Variants in TBCD observed in about 807,000 individuals in gnomAD.
TBCD encodes the protein tubulin folding cofactor D.
A neutral mutation model predicts 169.3 loss-of-function variants in TBCD; 105 were observed. The ratio of observed to expected loss-of-function variants is 0.62; its 90% confidence interval spans 0.53 to 0.73. TBCD has a LOEUF of 0.73. Among genes scored for constraint, TBCD ranks in the 30% least tolerant of loss-of-function variants. The probability of loss-of-function intolerance (pLI) is 0.00; values close to 1 mark genes in which losing one functional copy is unlikely to be tolerated. For missense variants in TBCD, 1,444 were observed against 1,600.1 expected (o/e 0.90, Z 1.66); for synonymous variants, 700 against 643.9 (o/e 1.09, Z -1.32).
intron 6 of TBCD, among the ~76,000 whole-genome samples, chr17:82,777,059 CT>C (rs554084543): frequency 2.0e-5 from 3 of 151,166 alleles, no homozygotes; most frequent in African/African-American, 4.9e-5. Flanking sequence ...TGGCCTTTTC[CT>C]TTTTTTTTGG....
chr17:82,756,111 C>T (rs548539247), intron 1 of TBCD, 54 bp from the exon 2 acceptor site: 7 of 1,502,056 alleles, frequency 4.7e-6, no homozygotes, highest in East Asian at 4.8e-5. Context: ...TTCTGAGGCT[C>T]ATGGGTATGT....
intron 23 of TBCD, among the ~76,000 whole-genome samples, chr17:82,914,406 A>G (rs1387732843): frequency 6.6e-6 from 1 of 151,988 alleles, no homozygotes; most frequent in Non-Finnish European, 1.5e-5. Flanking sequence ...CAGGGTGTGG[A>G]TTGCTGGGGG....
intron 13 of TBCD, among the ~76,000 whole-genome samples, chr17:82,829,027 A>G (rs2053226379): frequency 6.8e-6 from 1 of 146,126 alleles, no homozygotes. Context: ...GCAGATATGC[A>G]CACACGCACA....
intron 27 of TBCD, 25 bp downstream of exon 27, chr17:82,925,082 C>T (rs374977187): frequency 2.1e-4 from 324 of 1,529,764 alleles, no homozygotes; most frequent in Non-Finnish European, 2.6e-4. Flanking sequence ...GCGCAGTGGA[C>T]GGGGCCTAGG....
In TBCD at chr17:82,927,079, GTTCTGAGCGTGTC is replaced by G. The variant is rs1420636888; in HGVS notation, c.2472-102_2472-90del. 2.6e-6 allele frequency: 4 copies of G among 1,521,472 alleles called. No homozygotes were observed. In the Admixed American group the frequency reaches 5.4e-5, roughly 21 times the overall value. The allele number at this position is 1,521,472 out of a possible 1,614,324, so 94.2% of individuals were successfully genotyped here. ...CTGATCTACCCGAGGGTCCTGGACT[GTTCTGAGCGTGTC>G]TTCTCAGGATCAGGAACACACATCA... On this transcript the variant is annotated intron_variant, in intron 28 of 38. Coordinates refer to ENST00000355528, the MANE Select transcript of TBCD (RefSeq NM_005993.5).
At chr17:82,776,282 C>T (rs1240109617) in intron 6 of TBCD, among the ~76,000 whole-genome samples, 1 of 151,938 alleles carries the variant, frequency 6.6e-6, no homozygotes, top group Non-Finnish European at 1.5e-5. Context: ...TGGTGGCACG[C>T]ACCTGTGGTC....
chr17:82,922,647 C>G lies in TBCD; in HGVS notation c.2179-1005C>G, dbSNP rs552452712. Among the ~76,000 whole-genome samples, 1 of 152,318 alleles carries G rather than the reference C, an allele frequency of 6.6e-6. No individual in the cohort carries two copies. Among genetic ancestry groups the G allele is most frequent in the South Asian group, 2.1e-4 (1 of 4,828 alleles). On this transcript the variant is annotated intron_variant, in intron 25 of 38. Transcript: ENST00000355528. The surrounding 1 kb of genome is among the most constrained non-coding windows in gnomAD (Gnocchi z 4.1). ...TTCAAAAGTCCATGATTAATTCACA[C>G]TGGCCATGATGCTGGTGCACTTTGC...
intron 6 of TBCD, among the ~76,000 whole-genome samples, chr17:82,777,567 T>C (rs2048679237): frequency 6.6e-6 from 1 of 152,232 alleles, no homozygotes; most frequent in Admixed American, 6.5e-5. Context: ...GGCCCTTCCC[T>C]GCCTGGCAGC....
rs566274987 is a variant in TBCD at position 82,925,920 on chromosome 17, G to A, written c.2380-480G>A. Among the ~76,000 whole-genome samples the A allele has an allele frequency of 2.1e-3, 319 of 148,520 alleles. 1 individual carries two copies. Among genetic ancestry groups the A allele is most frequent in the Middle Eastern group, 0.011 (3 of 284 alleles). The stretch of plus-strand genomic sequence containing the variant: ...GTGGGGGCTGGCCGTGGAGAGGCTG[G>A]AGGTGACCTCTCCCCGGGTGTCCTT... On this transcript the variant is annotated intron_variant, in intron 27 of 38. Coordinates refer to ENST00000355528, the MANE Select transcript of TBCD (RefSeq NM_005993.5).
intron 23 of TBCD, chr17:82,918,509 C>T (rs1321195762): frequency 6.6e-6 from 1 of 152,200 alleles, no homozygotes; most frequent in Non-Finnish European, 1.5e-5. Context: ...TTGGGTTTTA[C>T]CAGAGTGTGT....
intron 37 of TBCD, among the ~76,000 whole-genome samples, chr17:82,940,897 G>A (rs945126481): frequency 1.3e-5 from 2 of 152,190 alleles, no homozygotes; most frequent in African/African-American, 4.8e-5. Flanking sequence ...CTCACATCAG[G>A]GAGGGAGGAA....
intron 21 of TBCD, chr17:82,908,300 T>G (rs746813613): frequency 9.2e-5 from 42 of 456,964 alleles, no homozygotes; most frequent in Non-Finnish European, 5.3e-5. Context: ...TTTCCAGCCG[T>G]GCATCTGCAG....
intron 21 of TBCD, 74 bp downstream of exon 21, chr17:82,907,895 C>T: frequency 6.6e-7 from 1 of 1,524,676 alleles, no homozygotes; most frequent in Non-Finnish European, 8.9e-7. Flanking sequence ...CCCACCCTCC[C>T]CAGGCAGGGT....
intron 15 of TBCD, among the ~76,000 whole-genome samples, chr17:82,885,623 T>G (rs974862501): frequency 8.5e-5 from 13 of 152,212 alleles, no homozygotes; most frequent in Non-Finnish European, 1.5e-4. Context: ...TATAATACAA[T>G]TTTATGTTAA....
intron 9 of TBCD, among the ~76,000 whole-genome samples, chr17:82,801,452 GGA>G (rs2050513658): frequency 6.8e-6 from 1 of 147,172 alleles, no homozygotes; most frequent in Admixed American, 6.8e-5. Flanking sequence ...CGTGTGGCTC[GGA>G]GTCAGCGTGG....
intron 7 of TBCD, among the ~76,000 whole-genome samples, chr17:82,792,824 A>G (rs1013417648): frequency 1.3e-5 from 2 of 152,116 alleles, no homozygotes; most frequent in Admixed American, 6.5e-5. Context: ...CGTCAGTGGC[A>G]TGATCTCAGC....
At chr17:82,842,063 G>A (rs1040818425) in intron 13 of TBCD, among the ~76,000 whole-genome samples, 6 of 152,254 alleles carry the variant, frequency 3.9e-5, no homozygotes, top group Non-Finnish European at 8.8e-5. Context: ...AGGCAGCCTC[G>A]TGCTGCCCAG....
intron 14 of TBCD, among the ~76,000 whole-genome samples, chr17:82,873,353 C>T (rs994563946): frequency 2.0e-5 from 3 of 152,156 alleles, no homozygotes; most frequent in Non-Finnish European, 4.4e-5. Flanking sequence ...GAAACCTCCA[C>T]TCACCTGGGA....
chr17:82,830,281 G>A (rs1352234046), intron 13 of TBCD: 1 of 1,614,214 alleles, frequency 6.2e-7, no homozygotes, highest in Non-Finnish European at 8.5e-7. Flanking sequence ...GTCACACTGG[G>A]CCTCTTGGCT....
Sources: allele counts gnomAD v4.1 joint callset (sites outside exome capture counted in the v4.1 genomes callset), GRCh38; gene constraint gnomAD v4.1.1; non-coding constraint Gnocchi (gnomAD v3.1); transcripts MANE v1.5; gene names NCBI Gene and HGNC (gene_info 2026-07-23, HGNC 2026-07-21).